SNW1: variants seen among roughly 807,000 people sequenced by gnomAD.
SNW1 encodes SNW domain-containing protein 1.
Under a neutral mutation model 75.6 loss-of-function variants are expected in SNW1, and 9 were observed. The observed-to-expected ratio is 0.12, with a 90% confidence interval of 0.07 to 0.21. SNW1 has a LOEUF of 0.21. SNW1 is among the 10% of genes least tolerant of loss of function. The pLI, the probability that SNW1 is intolerant of heterozygous loss-of-function variation, is 1.00. For missense variants in SNW1, 409 were observed against 670.9 expected (o/e 0.61, Z 4.31); for synonymous variants, 200 against 219.1 (o/e 0.91, Z 0.77).
chr14:77,743,896 A>G lies in SNW1; in HGVS notation c.331-4835T>C, dbSNP rs554038037. ...TACTTGATTAATGTTGAATTACTCAATGCATTCCAAACTTCATGCATGAAT... is the reference window on the plus strand; with the variant it reads ...TACTTGATTAATGTTGAATTACTCAGTGCATTCCAAACTTCATGCATGAAT... On this transcript the variant is annotated intron_variant, in intron 3 of 13. Transcript: ENST00000261531. Among the ~76,000 whole-genome samples, 10 of 152,304 alleles carry G rather than the reference A, an allele frequency of 6.6e-5. 1 individual carries two copies. The highest frequency in any genetic ancestry group is 4.1e-4 in the South Asian group (2 of 4,830).
intron 1 of SNW1, 193 bp downstream of exon 1, chr14:77,760,921 G>A: frequency 1.5e-6 from 2 of 1,316,476 alleles, no homozygotes; most frequent in African/African-American, 2.9e-5. Flanking sequence ...CTAAACCCGG[G>A]AAACCGCTGA....
At position 77,734,485 on chromosome 14, in the gene SNW1, A is replaced by G. The variant is rs1046380242; in HGVS notation, c.774+462T>C. On this transcript the variant is annotated intron_variant, in intron 8 of 13. Coordinates refer to ENST00000261531, the MANE Select transcript of SNW1 (RefSeq NM_012245.3). ...CCGGGTGCGGTGGCTCACACCTGCA[A>G]TCTAAGCCCTTTGGGTGGCCGAGGC... Among the ~76,000 whole-genome samples, 8 of 152,338 alleles carry G rather than the reference A, an allele frequency of 5.3e-5. 1 individual carries two copies. Among genetic ancestry groups the G allele is most frequent in the Admixed American group, 6.5e-5 (1 of 15,296 alleles).
At position 77,751,269 on chromosome 14, in the gene SNW1, A is replaced by T. The variant is rs753458027; in HGVS notation, c.330+50T>A. ...GAGATTTATCGTGTCCACAAAATTT[A>T]AAATGTTTCCTAAAATATTTATCAT... On this transcript the variant is annotated intron_variant, in intron 3 of 13. Transcript: ENST00000261531. The T allele has an allele frequency of 3.2e-6, 5 of 1,542,808 alleles. No homozygotes were observed. The Admixed American group carries it at 9.4e-5, about 29-fold the overall frequency.
At chr14:77,744,952 C>T (rs183008651) in intron 3 of SNW1, among the ~76,000 whole-genome samples, 57 of 152,272 alleles carry the variant, frequency 3.7e-4, no homozygotes, top group African/African-American at 1.3e-3. Flanking sequence ...GACTACACTT[C>T]CTCACTGGCT....
intron 3 of SNW1, among the ~76,000 whole-genome samples, chr14:77,746,712 A>T (rs1223001665): frequency 1.3e-5 from 2 of 152,236 alleles, no homozygotes; most frequent in Non-Finnish European, 2.9e-5. Flanking sequence ...AAAATGAAGT[A>T]GACTTATATG....
rs773838224 is a variant in SNW1, at chr14:77,732,481, C to G, written c.891+4G>C. ...GAGCATTAAACAAATTATAACAAACCAACCTTCCGATCAGCAATGTAGAGG... is the reference window on the plus strand; with the variant it reads ...GAGCATTAAACAAATTATAACAAACGAACCTTCCGATCAGCAATGTAGAGG... On this transcript the variant is annotated splice_donor_region_variant and intron_variant, in intron 9 of 13. Coordinates refer to ENST00000261531, the MANE Select transcript of SNW1 (RefSeq NM_012245.3). 1 of 1,491,266 alleles carries G rather than the reference C, an allele frequency of 6.7e-7. No homozygotes were observed. Among genetic ancestry groups the G allele is most frequent in the East Asian group, 2.3e-5 (1 of 44,288 alleles). 92.4% of individuals were successfully genotyped at this position (1,491,266 alleles called of 1,614,324 possible). A position where few individuals can be genotyped will look rare whatever the true frequency, so the allele number is the denominator to read the frequency against.
At chr14:77,723,306 T>C (rs755936839) in intron 10 of SNW1, 29 bp from the exon 11 acceptor site, 6 of 1,498,386 alleles carry the variant, frequency 4.0e-6, no homozygotes, top group Non-Finnish European at 5.6e-6. Flanking sequence ...AGTACTTCAC[T>C]GTAATATGTA....
intron 6 of SNW1, 56 bp downstream of exon 6, chr14:77,736,915 T>C: frequency 7.9e-7 from 1 of 1,265,238 alleles, no homozygotes; most frequent in Non-Finnish European, 1.2e-6. Context: ...CAGCATATTG[T>C]TTTGAGATTC....
chr14:77,720,669 A>G (rs765683420), intron 12 of SNW1, 42 bp downstream of exon 12: 3 of 1,248,646 alleles, frequency 2.4e-6, no homozygotes, highest in African/African-American at 3.0e-5. Flanking sequence ...GAGGATAGGT[A>G]TTCACATCAA....
intron 9 of SNW1, among the ~76,000 whole-genome samples, chr14:77,731,486 C>A (rs918257742): frequency 6.6e-6 from 1 of 152,216 alleles, no homozygotes; most frequent in Non-Finnish European, 1.5e-5. Context: ...GGTGGAAGGA[C>A]TGCTTGAGCT....
intron 3 of SNW1, among the ~76,000 whole-genome samples, chr14:77,750,751 T>G (rs1294375976): frequency 6.6e-6 from 1 of 152,196 alleles, no homozygotes; most frequent in Admixed American, 6.5e-5. Flanking sequence ...TTAAGCAAAT[T>G]TTATTTTTGG....
chr14:77,741,530 C>T (rs2080719032), intron 3 of SNW1, among the ~76,000 whole-genome samples: 1 of 152,010 alleles, frequency 6.6e-6, no homozygotes, highest in South Asian at 2.1e-4. Context: ...GATGATTTAG[C>T]ACAAAACACG....
Position 77,738,900 on chromosome 14 carries a change from T to C in SNW1, c.427-16A>G, listed in dbSNP as rs776776746. ...TTTCTGTTATCTGAAATAGGAAATA[T>C]CACATTGAGAGTTTGGAAGTTAATC... On this transcript the variant is annotated splice_polypyrimidine_tract_variant and intron_variant, in intron 4 of 13. Transcript: ENST00000261531. 3 of 1,611,822 alleles carry C rather than the reference T, an allele frequency of 1.9e-6. No individual in the cohort carries two copies. Among genetic ancestry groups the C allele is most frequent in the Non-Finnish European group, 2.5e-6 (3 of 1,177,890 alleles).
intron 3 of SNW1, among the ~76,000 whole-genome samples, chr14:77,740,197 T>C (rs934447534): frequency 2.0e-5 from 3 of 147,818 alleles, no homozygotes; most frequent in South Asian, 2.2e-4. Context: ...ATAGGCATTC[T>C]ACCTTTAATG....
intron 2 of SNW1, among the ~76,000 whole-genome samples, chr14:77,754,530 A>G (rs1489569372): frequency 6.6e-6 from 1 of 152,174 alleles, no homozygotes; most frequent in East Asian, 1.9e-4. Context: ...GAAAGAAATC[A>G]GCAAAGGAAG....
Position 77,737,991 on chromosome 14 carries a change from CAAAAAAAAAAAA to C in SNW1, c.533+775_533+786del, listed in dbSNP as rs35896717. 8.1e-5 allele frequency among the ~76,000 whole-genome samples: 6 copies of C among 74,162 alleles called. No individual in the cohort carries two copies. In the East Asian group the frequency reaches 2.2e-3, roughly 27 times the overall value. 48.7% of individuals were successfully genotyped at this position (74,162 alleles called of 152,430 possible). A position where few individuals can be genotyped will look rare whatever the true frequency, so the allele number is the denominator to read the frequency against. ...TGGGTGACAGAGTGAGACTCCATCT[CAAAAAAAAAAAA>C]AAAAAAAGAAAATAGCATAGGCTGG... On this transcript the variant is annotated intron_variant, in intron 5 of 13. Transcript: ENST00000261531.
chr14:77,731,450 G>C (rs775160810), intron 9 of SNW1, among the ~76,000 whole-genome samples: 24 of 152,226 alleles, frequency 1.6e-4, no homozygotes, highest in Non-Finnish European at 3.4e-4. Flanking sequence ...GCTCTCTCCT[G>C]CAATCCTAGC....
intron 10 of SNW1, among the ~76,000 whole-genome samples, chr14:77,724,428 C>T (rs564752320): frequency 2.5e-4 from 38 of 152,282 alleles, no homozygotes; most frequent in Non-Finnish European, 5.3e-4. Flanking sequence ...ACTAACTATT[C>T]ACCCCACTGT....
intron 1 of SNW1, among the ~76,000 whole-genome samples, chr14:77,758,559 A>T (rs2080861057): frequency 6.6e-6 from 1 of 151,568 alleles, no homozygotes; most frequent in Non-Finnish European, 1.5e-5. Flanking sequence ...TTCACCCCAA[A>T]CTCTGAGTCA....
Sources: allele counts gnomAD v4.1 joint callset (sites outside exome capture counted in the v4.1 genomes callset), GRCh38; gene constraint gnomAD v4.1.1; transcripts MANE v1.5; gene names NCBI Gene and HGNC (gene_info 2026-07-23, HGNC 2026-07-21).